FOXO3: variants seen among roughly 807,000 people sequenced by gnomAD.
The protein encoded by FOXO3 is forkhead box protein O3.
FOXO3 carries 4 observed loss-of-function variants against 41.9 expected under a neutral mutation model. The observed-to-expected ratio is 0.10, with a 90% CI of 0.05 to 0.22. The LOEUF (loss-of-function observed/expected upper bound fraction) is 0.22. Among genes scored for constraint, FOXO3 ranks in the 10% least tolerant of loss-of-function variants. The pLI is 1.00. For synonymous variants in FOXO3, 318 were observed against 389.3 expected (o/e 0.82, Z 2.16); for missense variants, 534 against 906.8 (o/e 0.59, Z 5.28).
intron 1 of FOXO3, among the ~76,000 whole-genome samples, chr6:108,563,822 A>G (rs1775881272): frequency 6.6e-6 from 1 of 152,172 alleles, no homozygotes; most frequent in South Asian, 2.1e-4. Context: ...TACATGAGAT[A>G]ATGGTATTAC....
At chr6:108,609,642 G>A (rs1777302631) in intron 1 of FOXO3, among the ~76,000 whole-genome samples, 1 of 152,196 alleles carries the variant, frequency 6.6e-6, no homozygotes, top group Admixed American at 6.5e-5. Context: ...ATCTCTCTTT[G>A]TATATAACGC....
chr6:108,609,561 A>G (rs1186700528), intron 1 of FOXO3, among the ~76,000 whole-genome samples: 1 of 152,180 alleles, frequency 6.6e-6, no homozygotes, highest in African/African-American at 2.4e-5. Flanking sequence ...TTGAGGTTGC[A>G]GGTGGTATTG....
intron 1 of FOXO3, among the ~76,000 whole-genome samples, chr6:108,564,823 A>C (rs758032323): frequency 2.0e-5 from 3 of 151,660 alleles, no homozygotes. Flanking sequence ...GGTGATTCTA[A>C]TGTATAGTTA....
intron 1 of FOXO3, among the ~76,000 whole-genome samples, chr6:108,584,733 T>C (rs972125205): frequency 1.3e-5 from 2 of 152,144 alleles, no homozygotes; most frequent in African/African-American, 2.4e-5. Context: ...TGATACTGAG[T>C]CCAATGTTTA....
chr6:108,630,705 A>G (rs1174141210), intron 1 of FOXO3, among the ~76,000 whole-genome samples: 1 of 152,130 alleles, frequency 6.6e-6, no homozygotes, highest in African/African-American at 2.4e-5. Context: ...ACTCGTGCAT[A>G]AGTCTTACCA....
At chr6:108,610,555 G>A (rs939410684) in intron 1 of FOXO3, among the ~76,000 whole-genome samples, 32 of 152,142 alleles carry the variant, frequency 2.1e-4, no homozygotes, top group African/African-American at 7.5e-4. Flanking sequence ...TTAAGAGAGA[G>A]AACGCATTCA....
intron 1 of FOXO3, among the ~76,000 whole-genome samples, chr6:108,586,500 T>C (rs1268477252): frequency 6.6e-6 from 1 of 152,176 alleles, no homozygotes; most frequent in African/African-American, 2.4e-5. Context: ...TGTGAATATT[T>C]TTTTGACGTA....
chr6:108,626,201 C>T (rs1043431589), intron 1 of FOXO3, among the ~76,000 whole-genome samples: 3 of 152,178 alleles, frequency 2.0e-5, no homozygotes, highest in Non-Finnish European at 2.9e-5. Context: ...GAAAATTTCA[C>T]TTACGAGTAA....
chr6:108,653,333 A>G (rs570143698), intron 1 of FOXO3, among the ~76,000 whole-genome samples: 2 of 152,314 alleles, frequency 1.3e-5, no homozygotes, highest in Non-Finnish European at 1.5e-5. Flanking sequence ...TGCTAAAGCT[A>G]TAGTAAAACA....
At chr6:108,603,106 G>GC (rs1777100054) in intron 1 of FOXO3, among the ~76,000 whole-genome samples, 1 of 146,600 alleles carries the variant, frequency 6.8e-6, no homozygotes, top group Admixed American at 6.8e-5. Flanking sequence ...TTCATCTGTA[G>GC]TTTTTTTTTT....
intron 1 of FOXO3, among the ~76,000 whole-genome samples, chr6:108,634,483 T>C (rs1262344911): frequency 1.3e-5 from 2 of 152,178 alleles, no homozygotes; most frequent in Non-Finnish European, 2.9e-5. Flanking sequence ...CAGCTGGCAT[T>C]CCTCTTTGCC....
intron 1 of FOXO3, among the ~76,000 whole-genome samples, chr6:108,562,047 G>T (rs1325815098): frequency 6.6e-6 from 1 of 152,100 alleles, no homozygotes; most frequent in Admixed American, 6.5e-5. Context: ...GAAGCTTGGG[G>T]CATGGCCAGG....
intron 1 of FOXO3, among the ~76,000 whole-genome samples, chr6:108,613,132 A>G (rs1582777957): frequency 6.6e-6 from 1 of 152,254 alleles, no homozygotes; most frequent in Non-Finnish European, 1.5e-5. Flanking sequence ...ATATGTTACC[A>G]TGAGATTCAA....
intron 1 of FOXO3, among the ~76,000 whole-genome samples, chr6:108,593,712 CTTTTTT>C (rs34228633): frequency 9.6e-5 from 8 of 83,328 alleles, no homozygotes; most frequent in Non-Finnish European, 1.6e-4. Context: ...TTTTCTTCTT[CTTTTTT>C]TTTTTTTTTT....
In FOXO3 at chr6:108,664,035, C is replaced by T; in HGVS notation, c.1202C>T (p.Pro401Leu). The change falls in exon 2 of 3, where the codon CCA (proline) becomes CTA (leucine). Residue 401 changes from proline to leucine, a missense_variant. Physicochemically the swap from Pro to Leu is moderately conservative, Grantham distance 98. Around this residue, in one of 8 missense-constraint regions of FOXO3, gnomAD observed 185 missense variants for 224.9 expected, o/e 0.82. Transcript: ENST00000406360. ...AACATCACGCTCCCGCCATCCCAGC[C>T]ATCGCCCACTGGGGGACTCATGCAG... ...LDNITLPPSQPSPTGGLMQRS... is the reference protein window; with the variant it reads ...LDNITLPPSQLSPTGGLMQRS... 1.2e-6 allele frequency: 2 copies of T among 1,614,202 alleles called. No individual in the cohort carries two copies. The highest frequency in any genetic ancestry group is 1.7e-6 in the Non-Finnish European group (2 of 1,180,034).
chr6:108,571,401 C>T (rs1199214733), intron 1 of FOXO3, among the ~76,000 whole-genome samples: 20 of 152,104 alleles, frequency 1.3e-4, no homozygotes, highest in Admixed American at 1.3e-3. Context: ...AATAGAGTTC[C>T]TCTAAAATTC....
intron 1 of FOXO3, among the ~76,000 whole-genome samples, chr6:108,632,942 T>G (rs1177226003): frequency 6.6e-6 from 1 of 152,170 alleles, no homozygotes; most frequent in Non-Finnish European, 1.5e-5. Context: ...TTTTTACTTG[T>G]GTCTTGTCTG....
At chr6:108,591,203 G>T (rs113339658) in intron 1 of FOXO3, among the ~76,000 whole-genome samples, 12 of 152,152 alleles carry the variant, frequency 7.9e-5, no homozygotes, top group African/African-American at 2.9e-4. Flanking sequence ...CCCACATTGG[G>T]ATAAGTATGG....
Position 108,560,982 on chromosome 6 carries a change from G to A in FOXO3, c.-227G>A, listed in dbSNP as rs1020087095. 31 of 1,340,086 alleles carry A rather than the reference G, an allele frequency of 2.3e-5. No individual in the cohort carries two copies. The highest frequency in any genetic ancestry group is 1.2e-4 in the Admixed American group (3 of 24,150). The allele number at this position is 1,340,086 out of a possible 1,614,324, so 83.0% of individuals were successfully genotyped here. ...GTCCTCCTGTTCCTGGGAGGCGGGC[G>A]CGGCAGGACTGGGAGGTGGCGGCAG... On this transcript the variant is annotated 5_prime_UTR_variant, in exon 1 of 3. Transcript: ENST00000406360.
Sources: gnomAD v4.1 joint callset for allele counts (sites outside exome capture counted in the v4.1 genomes callset) on GRCh38, gnomAD v4.1.1 for gene constraint, gnomAD v4.1.1 regional missense constraint, MANE v1.5 for transcripts, NCBI Gene and HGNC (gene_info 2026-07-23, HGNC 2026-07-21) for gene names.